Variants in CREBBP observed in about 807,000 individuals in gnomAD.
The protein encoded by CREBBP is CREB-binding protein.
Under a neutral mutation model 265.0 loss-of-function variants are expected in CREBBP, and 19 were observed. The observed-to-expected ratio is 0.07, with a 90% CI of 0.05 to 0.11. The LOEUF is 0.11. Ranked by LOEUF, CREBBP falls within the 10% of genes least tolerant of loss-of-function variation. The pLI is 1.00. For synonymous variants in CREBBP, 1,457 were observed against 1,223.7 expected, an observed-to-expected ratio of 1.19 and a Z score of -3.98; for missense variants, 2,525 against 3,219.0, an observed-to-expected ratio of 0.78 and a Z score of 5.22.
rs376019472 is a variant in CREBBP, at chr16:3,876,246, T to C, written c.85+3586A>G. Among the ~76,000 whole-genome samples, 9 of 151,738 alleles carry C rather than the reference T, an allele frequency of 5.9e-5. No homozygotes were observed. In the South Asian group the frequency reaches 1.2e-3, roughly 21 times the overall value. On this transcript the variant is annotated intron_variant, in intron 1 of 30. Coordinates refer to ENST00000262367, the MANE Select transcript of CREBBP (RefSeq NM_004380.3). ...GTTTAGATGGGGTCTCACTATGTTG[T>C]CCAGGCTGGTCTCCAACTGCTGGCC...
At chr16:3,786,048 T>C (rs1359458085) in intron 5 of CREBBP, among the ~76,000 whole-genome samples, 1 of 152,250 alleles carries the variant, frequency 6.6e-6, no homozygotes, top group Non-Finnish European at 1.5e-5. Flanking sequence ...GCACAAACAA[T>C]GTTCCACTAA....
intron 3 of CREBBP, among the ~76,000 whole-genome samples, chr16:3,809,176 C>A (rs1256336523): frequency 3.3e-5 from 5 of 149,938 alleles, no homozygotes; most frequent in Admixed American, 3.3e-4. Context: ...TGTACATACC[C>A]AACCACCTTT....
At chr16:3,738,189 T>C (rs9938319) in intron 26 of CREBBP, among the ~76,000 whole-genome samples, 22,824 of 151,814 alleles carry the variant, frequency 0.15, 4,337 homozygotes, top group African/African-American at 0.44. Context: ...ATCTTATAGG[T>C]CAATAACAAT....
rs963336715 is a variant in CREBBP, at chr16:3,838,128, C to A, written c.798+12169G>T. On this transcript the variant is annotated intron_variant, in intron 2 of 30. Coordinates refer to ENST00000262367, the MANE Select transcript of CREBBP (RefSeq NM_004380.3). ...GGATTGCAGGCATGGGACTGAGTGTCTGGTCAGGTGTACTATTTTAAATCT... is the reference window on the plus strand; with the variant it reads ...GGATTGCAGGCATGGGACTGAGTGTATGGTCAGGTGTACTATTTTAAATCT... Among the ~76,000 whole-genome samples, 6 of 152,290 alleles carry A rather than the reference C, an allele frequency of 3.9e-5. No individual in the cohort carries two copies. In the South Asian group the frequency reaches 1.0e-3, roughly 26 times the overall value.
intron 1 of CREBBP, among the ~76,000 whole-genome samples, chr16:3,872,640 C>G (rs1414579602): frequency 6.6e-6 from 1 of 152,224 alleles, no homozygotes; most frequent in African/African-American, 2.4e-5. Context: ...AAAGGGAACG[C>G]TGAGCGCATG....
chr16:3,855,681 G>A (rs113418194), intron 1 of CREBBP, among the ~76,000 whole-genome samples: 98 of 152,180 alleles, frequency 6.4e-4, no homozygotes, highest in Non-Finnish European at 1.2e-3. Context: ...ATCTGATCCC[G>A]GATACAGCAG....
At chr16:3,790,365 G>GC (rs1195640638) in intron 5 of CREBBP, among the ~76,000 whole-genome samples, 38 of 129,250 alleles carry the variant, frequency 2.9e-4, no homozygotes, top group African/African-American at 1.0e-3. Flanking sequence ...TAGGAAACTG[G>GC]CTTTTTTTTT....
rs1695461465 is a variant in CREBBP, at chr16:3,749,794, A to G, written c.3780-111T>C. Reference sequence around the variant, plus strand: ...TAACTAGTTCTTCAAACAAAAAGACATGATGGCCCCTTAAAATCTCAAGTA... The same window carrying G: ...TAACTAGTTCTTCAAACAAAAAGACGTGATGGCCCCTTAAAATCTCAAGTA... On this transcript the variant is annotated intron_variant, in intron 20 of 30. Coordinates refer to ENST00000262367, the MANE Select transcript of CREBBP (RefSeq NM_004380.3). The G allele has an allele frequency of 1.0e-5, 7 of 682,864 alleles. No individual in the cohort carries two copies. In the South Asian group the frequency reaches 1.1e-4, roughly 10 times the overall value. The allele number at this position is 682,864 out of a possible 1,614,324, so 42.3% of individuals were successfully genotyped here. A position where few individuals can be genotyped will look rare whatever the true frequency, so the allele number is the denominator to read the frequency against.
At chr16:3,868,951 C>G (rs1362863745) in intron 1 of CREBBP, among the ~76,000 whole-genome samples, 3 of 152,176 alleles carry the variant, frequency 2.0e-5, no homozygotes, top group Non-Finnish European at 4.4e-5. Context: ...CCCCGCAGGG[C>G]AGAACCACAC....
chr16:3,872,176 A>AT (rs1433000400), intron 1 of CREBBP, among the ~76,000 whole-genome samples: 2 of 152,228 alleles, frequency 1.3e-5, no homozygotes, highest in Non-Finnish European at 2.9e-5. Context: ...AAAACACCCT[A>AT]AAGGCAGTAT....
chr16:3,739,814 C>G (rs2052157107), intron 24 of CREBBP, 90 bp from the exon 25 acceptor site: 1 of 1,577,392 alleles, frequency 6.3e-7, no homozygotes, highest in African/African-American at 1.4e-5. Flanking sequence ...ACTCTGGCCA[C>G]TGCAGATGAG....
At chr16:3,868,029 A>C (rs1368820468) in intron 1 of CREBBP, among the ~76,000 whole-genome samples, 10 of 152,232 alleles carry the variant, frequency 6.6e-5, no homozygotes, top group African/African-American at 2.2e-4. Flanking sequence ...AGGCACTGAT[A>C]GTAGAGTTAC....
chr16:3,757,327 G>A lies in CREBBP; in HGVS notation c.3659C>T (p.Thr1220Ile). 3 of 1,613,876 alleles carry A rather than the reference G, an allele frequency of 1.9e-6. No individual in the cohort carries two copies. The South Asian group carries it at 3.3e-5, about 18-fold the overall frequency. Residue 1220 changes from threonine to isoleucine, a missense_variant, in exon 19 of 31, where the codon ACC (threonine) becomes ATC (isoleucine). Around this residue, in one of 19 missense-constraint regions of CREBBP, gnomAD observed 252 missense variants for 452.5 expected, o/e 0.56. Transcript: ENST00000262367. ...TLCCYGKQLCTIPRDAAYYSY... is the reference protein window; with the variant it reads ...TLCCYGKQLCIIPRDAAYYSY... ...GTAGTAGGCAGCATCGCGAGGAATG[G>A]TACACAGCTGCTTCCCATAGCAGCA... is the stretch of plus-strand genomic sequence containing the variant.
At chr16:3,753,041 G>T (rs1002830571) in intron 19 of CREBBP, among the ~76,000 whole-genome samples, 6 of 152,210 alleles carry the variant, frequency 3.9e-5, no homozygotes, top group Non-Finnish European at 7.3e-5. Context: ...GTGTCAGGTA[G>T]CGACGGCAGC....
chr16:3,843,842 C>T (rs969259178), intron 2 of CREBBP, among the ~76,000 whole-genome samples: 5 of 152,064 alleles, frequency 3.3e-5, no homozygotes, highest in African/African-American at 1.2e-4. Context: ...TAAACTGTTT[C>T]ACAGAATAAA....
chr16:3,773,207 CAA>C (rs2053057479), intron 13 of CREBBP, among the ~76,000 whole-genome samples: 3 of 151,786 alleles, frequency 2.0e-5, no homozygotes, highest in Admixed American at 2.0e-4. Context: ...CTACAACTAA[CAA>C]AAGAGGAAAA....
At chr16:3,810,031 A>G (rs1010258949) in intron 3 of CREBBP, among the ~76,000 whole-genome samples, 17 of 152,164 alleles carry the variant, frequency 1.1e-4, no homozygotes, top group Non-Finnish European at 1.9e-4. Context: ...GTGCAAAAGG[A>G]GATATTTTCC....
At chr16:3,748,932 G>T (rs1440011308) in intron 21 of CREBBP, among the ~76,000 whole-genome samples, 1 of 152,180 alleles carries the variant, frequency 6.6e-6, no homozygotes, top group African/African-American at 2.4e-5. Flanking sequence ...CATCACCTGA[G>T]GTCAGGAGAT....
chr16:3,869,709 G>A (rs751764374), intron 1 of CREBBP, among the ~76,000 whole-genome samples: 2 of 152,086 alleles, frequency 1.3e-5, no homozygotes, highest in Non-Finnish European at 2.9e-5. Flanking sequence ...ACACAGCGTA[G>A]AGCCGCCCTC....
Sources: gnomAD v4.1 joint callset for allele counts (sites outside exome capture counted in the v4.1 genomes callset) on GRCh38, gnomAD v4.1.1 for gene constraint, gnomAD v4.1.1 regional missense constraint, MANE v1.5 for transcripts, NCBI Gene and HGNC (gene_info 2026-07-23, HGNC 2026-07-21) for gene names.